The following NRXN1 variants were observed in gnomAD, a reference collection of about 807,000 sequenced individuals.
NRXN1 encodes neurexin 1, also known as neurexin-1.
NRXN1 carries 39 observed loss-of-function variants against 150.9 expected under a neutral mutation model. The ratio of observed to expected loss-of-function variants is 0.26; its 90% CI spans 0.20 to 0.34. NRXN1 has a LOEUF of 0.34. Among genes scored for constraint, NRXN1 ranks in the 10% least tolerant of loss-of-function variants. NRXN1 has a pLI of 1.00. For synonymous variants in NRXN1, 924 were observed against 757.0 expected, an observed-to-expected ratio of 1.22 and a Z score of -3.62; for missense variants, 1,815 against 1,949.9, an observed-to-expected ratio of 0.93 and a Z score of 1.30.
intron 8 of NRXN1, among the ~76,000 whole-genome samples, chr2:50,610,689 C>G (rs1320575874): frequency 1.6e-5 from 1 of 61,030 alleles, no homozygotes; most frequent in Non-Finnish European, 3.4e-5. Context: ...CTGTACAAAA[C>G]AGAATAGCCA....
At chr2:50,631,898 T>A (rs1306639620) in intron 5 of NRXN1, among the ~76,000 whole-genome samples, 4 of 151,966 alleles carry the variant, frequency 2.6e-5, no homozygotes, top group South Asian at 4.1e-4. Flanking sequence ...AGATGCTGTA[T>A]CTTTTAACCT....
chr2:50,913,510 T>C (rs774143718), intron 5 of NRXN1, among the ~76,000 whole-genome samples: 1 of 151,790 alleles, frequency 6.6e-6, no homozygotes, highest in African/African-American at 2.4e-5. Flanking sequence ...TTATAAAGCA[T>C]AAGTTGTTTT....
intron 17 of NRXN1, among the ~76,000 whole-genome samples, chr2:50,438,729 T>C (rs1027555084): frequency 6.6e-6 from 1 of 152,214 alleles, no homozygotes; most frequent in South Asian, 2.1e-4. Flanking sequence ...TAATAAATGT[T>C]TTATTAATAA....
At chr2:50,424,140 GGAGGGGGGGAGGAGGAA>G (rs2084253296) in intron 17 of NRXN1, among the ~76,000 whole-genome samples, 1 of 126,174 alleles carries the variant, frequency 7.9e-6, no homozygotes, top group African/African-American at 3.1e-5. Context: ...AGGAGGAGGA[GGAGGGGGGGAGGAGGAA>G]GGGGAGGAGG....
At chr2:50,947,958 T>A (rs1354948525) in intron 2 of NRXN1, among the ~76,000 whole-genome samples, 1 of 152,026 alleles carries the variant, frequency 6.6e-6, no homozygotes, top group Non-Finnish European at 1.5e-5. Flanking sequence ...GTTCCTACCA[T>A]ATTCCATTGC....
chr2:50,082,354 T>A (rs986363019), intron 19 of NRXN1, among the ~76,000 whole-genome samples: 4 of 152,202 alleles, frequency 2.6e-5, no homozygotes, highest in African/African-American at 9.6e-5. Context: ...CCCTTCATTA[T>A]GATAAGAACT....
chr2:50,260,447 G>A (rs2068134466), intron 17 of NRXN1, among the ~76,000 whole-genome samples: 1 of 151,760 alleles, frequency 6.6e-6, no homozygotes, highest in South Asian at 2.1e-4. Context: ...AAATGATTAG[G>A]TTTTGGGTTA....
At chr2:50,978,289 T>TATAC (rs890260059) in intron 2 of NRXN1, among the ~76,000 whole-genome samples, 1 of 134,612 alleles carries the variant, frequency 7.4e-6, no homozygotes, top group Non-Finnish European at 1.6e-5. Context: ...TATATATATA[T>TATAC]ATATATATAT....
chr2:49,926,460 G>A (rs1669123239), intron 22 of NRXN1: 5 of 397,578 alleles, frequency 1.3e-5, no homozygotes, highest in Admixed American at 4.4e-5. Flanking sequence ...TGGTAACTTC[G>A]GTAAACACGA....
chr2:50,526,890 T>C (rs2092966235), intron 12 of NRXN1: 1 of 152,250 alleles, frequency 6.6e-6, no homozygotes, highest in South Asian at 2.1e-4. Context: ...CTGTGGAATA[T>C]CCAGAGGAAA....
chr2:50,815,684 G>A (rs1229143985), intron 5 of NRXN1, among the ~76,000 whole-genome samples: 2 of 152,116 alleles, frequency 1.3e-5, no homozygotes, highest in Non-Finnish European at 2.9e-5. Context: ...GTATTTGTGT[G>A]TATGTATATG....
At chr2:50,060,252 T>A (rs552063293) in intron 19 of NRXN1, among the ~76,000 whole-genome samples, 3 of 152,226 alleles carry the variant, frequency 2.0e-5, no homozygotes, top group African/African-American at 7.2e-5. Flanking sequence ...AGGAGATCAT[T>A]TTGGAGCTTT....
rs1406124847 is a variant in NRXN1, at chr2:50,346,194, C to T, written c.3365-109224G>A. 6.6e-6 allele frequency among the ~76,000 whole-genome samples: 1 copy of T among 152,190 alleles called. No individual in the cohort carries two copies. The highest frequency in any genetic ancestry group is 1.5e-5 in the Non-Finnish European group (1 of 68,034). ...CTTCGCTGTCACTGCAGTCTGGGCG[C>T]ACTTTGGAGGAATGTGCGGGCTGGA... On this transcript the variant is annotated intron_variant, in intron 17 of 22. Coordinates refer to ENST00000401669, the MANE Select transcript of NRXN1 (RefSeq NM_001330078.2). This position sits in a 1 kb window ranked among gnomAD's most constrained non-coding sequence, Gnocchi z 5.0.
rs1257698471 is a variant in NRXN1, at chr2:49,920,244, ATTT to A, written c.*1697_*1699del. On this transcript the variant is annotated 3_prime_UTR_variant, in exon 23 of 23. Coordinates refer to ENST00000401669, the MANE Select transcript of NRXN1 (RefSeq NM_001330078.2). Reference sequence around the variant, plus strand: ...CATAGTCAATAATTAACAGAGAATGATTTTTTAAGTGGGTAGTAATACAGAATC... The same window carrying A: ...CATAGTCAATAATTAACAGAGAATGATTTAAGTGGGTAGTAATACAGAATC... 3 of 152,374 alleles carry A rather than the reference ATTT, an allele frequency of 2.0e-5. No homozygotes were observed. The highest frequency in any genetic ancestry group is 6.5e-5 in the Admixed American group (1 of 15,288). 9.4% of individuals were successfully genotyped at this position (152,374 alleles called of 1,614,324 possible).
chr2:50,671,688 G>A (rs1479613874), intron 5 of NRXN1, among the ~76,000 whole-genome samples: 1 of 151,724 alleles, frequency 6.6e-6, no homozygotes, highest in Non-Finnish European at 1.5e-5. Flanking sequence ...CACATTTTAA[G>A]TACAACAGTA....
intron 8 of NRXN1, among the ~76,000 whole-genome samples, chr2:50,574,238 AC>A (rs1573606051): frequency 6.6e-6 from 1 of 152,270 alleles, no homozygotes; most frequent in East Asian, 1.9e-4. Flanking sequence ...ATGCCATCTA[AC>A]CAATAGAAGT....
chr2:50,191,735 T>C (rs1019845255), intron 18 of NRXN1, among the ~76,000 whole-genome samples: 8 of 152,228 alleles, frequency 5.3e-5, no homozygotes, highest in African/African-American at 1.7e-4. Context: ...CTGAGATCCA[T>C]CTAAGTTGTT....
intron 17 of NRXN1, among the ~76,000 whole-genome samples, chr2:50,293,060 G>A (rs530544792): frequency 2.0e-5 from 3 of 152,086 alleles, no homozygotes; most frequent in Non-Finnish European, 4.4e-5. Flanking sequence ...GCCCCTAAGC[G>A]TACATACCCC....
chr2:50,984,406 C>G (rs1448513702), intron 2 of NRXN1, among the ~76,000 whole-genome samples: 1 of 151,808 alleles, frequency 6.6e-6, no homozygotes, highest in African/African-American at 2.4e-5. Context: ...ATGCGGCCAG[C>G]AAAGCCTAAA....
Sources: gnomAD v4.1 joint callset for allele counts (sites outside exome capture counted in the v4.1 genomes callset) on GRCh38, gnomAD v4.1.1 for gene constraint, Gnocchi (gnomAD v3.1) non-coding constraint, MANE v1.5 for transcripts, NCBI Gene and HGNC (gene_info 2026-07-23, HGNC 2026-07-21) for gene names.